The following SCCPDH variants were observed in gnomAD, a reference collection of about 807,000 sequenced individuals.
SCCPDH encodes saccharopine dehydrogenase (putative), also known as saccharopine dehydrogenase-like oxidoreductase.
A neutral mutation model predicts 51.5 loss-of-function variants in SCCPDH; 34 were observed. That is an observed-to-expected ratio of 0.66 (90% CI 0.50 to 0.88). The LOEUF (loss-of-function observed/expected upper bound fraction) is 0.88, where lower values mean the gene tolerates loss of function less well. Ranked by LOEUF, SCCPDH falls within the 40% of genes least tolerant of loss-of-function variation. The pLI is 0.00. For synonymous variants in SCCPDH, 187 were observed against 191.3 expected, an observed-to-expected ratio of 0.98 and a Z score of 0.19; for missense variants, 464 against 527.1, an observed-to-expected ratio of 0.88 and a Z score of 1.17.
intron 11 of SCCPDH, among the ~76,000 whole-genome samples, chr1:246,766,440 CT>C (rs1293790173): frequency 6.6e-6 from 1 of 152,114 alleles, no homozygotes; most frequent in Non-Finnish European, 1.5e-5. Context: ...AAAAAAGTCC[CT>C]GTTGTTAATA....
At chr1:246,726,826 A>G in intron 1 of SCCPDH, 66 bp from the exon 2 acceptor site, 3 of 1,133,098 alleles carry the variant, frequency 2.6e-6, no homozygotes, top group Admixed American at 3.6e-5. Context: ...ATTACTGTAA[A>G]AAGAAGATAA....
At chr1:246,747,522 G>A (rs538956012) in intron 5 of SCCPDH, among the ~76,000 whole-genome samples, 6 of 152,302 alleles carry the variant, frequency 3.9e-5, no homozygotes, top group Non-Finnish European at 5.9e-5. Flanking sequence ...TTTCAGTGCC[G>A]CAAAAGAAAT....
At chr1:246,764,399 T>C (rs755003958) in intron 10 of SCCPDH, 42 bp downstream of exon 10, 1 of 1,119,506 alleles carries the variant, frequency 8.9e-7, no homozygotes, top group Non-Finnish European at 1.4e-6. Flanking sequence ...AATTTTATAC[T>C]CTTAAGCTAT....
At chr1:246,742,338 TC>T (rs1668694271) in intron 4 of SCCPDH, among the ~76,000 whole-genome samples, 1 of 152,258 alleles carries the variant, frequency 6.6e-6, no homozygotes, top group Non-Finnish European at 1.5e-5. Context: ...AGCCTTTTTT[TC>T]CTTCATAAGG....
At chr1:246,732,655 T>C (rs1273070379) in intron 2 of SCCPDH, among the ~76,000 whole-genome samples, 1 of 152,206 alleles carries the variant, frequency 6.6e-6, no homozygotes, top group Non-Finnish European at 1.5e-5. Flanking sequence ...CCCAAAGTGC[T>C]GGGATTACAG....
chr1:246,756,289 G>T (rs1027296806), intron 5 of SCCPDH, among the ~76,000 whole-genome samples: 3 of 152,156 alleles, frequency 2.0e-5, no homozygotes, highest in African/African-American at 7.2e-5. Context: ...ACTGTTTAGG[G>T]ATGAATTCTT....
intron 5 of SCCPDH, among the ~76,000 whole-genome samples, chr1:246,747,829 G>T (rs1668784220): frequency 6.6e-6 from 1 of 152,196 alleles, no homozygotes; most frequent in African/African-American, 2.4e-5. Context: ...ACTAAGATCA[G>T]AGCAGGTGAT....
chr1:246,737,263 C>T (rs1353007252), intron 3 of SCCPDH, among the ~76,000 whole-genome samples: 3 of 147,240 alleles, frequency 2.0e-5, no homozygotes, highest in African/African-American at 7.4e-5. Context: ...GGCGAGGTGG[C>T]TCACGCCTGT....
chr1:246,740,259 C>G lies in SCCPDH; in HGVS notation c.472C>G (p.Pro158Ala). 1 of 1,609,594 alleles carries G rather than the reference C, an allele frequency of 6.2e-7. No individual in the cohort carries two copies. Among genetic ancestry groups the G allele is most frequent in the Admixed American group, 1.7e-5 (1 of 59,902 alleles). Residue 158 changes from proline (P) to alanine (A), a missense_variant, in exon 4 of 12, where the codon CCA (proline) becomes GCA (alanine). Pro to Ala is a conservative substitution (Grantham distance 27, BLOSUM62 -1). Transcript: ENST00000366510. The part of the protein sequence containing the change: ...IIGSSGFDSI[P>A]ADLGVIYTRN... Reference sequence around the variant, plus strand: ...TGGAAGCAGCGGCTTTGACTCCATTCCAGCAGATCTGGGAGTAATATATAC... The same window carrying G: ...TGGAAGCAGCGGCTTTGACTCCATTGCAGCAGATCTGGGAGTAATATATAC...
At chr1:246,742,411 C>T (rs548717375) in intron 4 of SCCPDH, among the ~76,000 whole-genome samples, 2 of 152,240 alleles carry the variant, frequency 1.3e-5, no homozygotes, top group South Asian at 4.1e-4. Flanking sequence ...TAGAAGTCAG[C>T]ATTTTAGCAA....
At chr1:246,759,644 G>A (rs1266889306) in intron 7 of SCCPDH, among the ~76,000 whole-genome samples, 1 of 152,180 alleles carries the variant, frequency 6.6e-6, no homozygotes, top group East Asian at 1.9e-4. Flanking sequence ...ATGTATGATT[G>A]CTAAGCTCAG....
chr1:246,757,273 GGCAGAGGTTGCAGTGAGCTGAGATC>G (rs987055508), intron 5 of SCCPDH, among the ~76,000 whole-genome samples: 1 of 149,572 alleles, frequency 6.7e-6, no homozygotes, highest in Non-Finnish European at 1.5e-5. Context: ...GAACCTAGGA[GGCAGAGGTTGCAGTGAGCTGAGATC>G]GTGCCATTGC....
chr1:246,757,070 G>A (rs569526373), intron 5 of SCCPDH, among the ~76,000 whole-genome samples: 2 of 152,194 alleles, frequency 1.3e-5, no homozygotes, highest in Admixed American at 6.5e-5. Context: ...TAGGCCGGGC[G>A]CGGTGGCTCA....
At chr1:246,733,166 T>C (rs1184066781) in intron 2 of SCCPDH, among the ~76,000 whole-genome samples, 1 of 152,142 alleles carries the variant, frequency 6.6e-6, no homozygotes, top group Non-Finnish European at 1.5e-5. Flanking sequence ...AGCTCACTGC[T>C]GCCTCAACCT....
At chr1:246,750,178 C>T (rs1467216710) in intron 5 of SCCPDH, among the ~76,000 whole-genome samples, 1 of 152,106 alleles carries the variant, frequency 6.6e-6, no homozygotes, top group African/African-American at 2.4e-5. Context: ...TCGAGTTTTC[C>T]TTCCCTTTAG....
intron 2 of SCCPDH, among the ~76,000 whole-genome samples, chr1:246,731,610 C>A (rs1425794813): frequency 1.3e-5 from 2 of 152,244 alleles, no homozygotes; most frequent in Non-Finnish European, 2.9e-5. Flanking sequence ...GAATTTAGAA[C>A]TGCTGGAACA....
chr1:246,765,968 AAG>A, intron 10 of SCCPDH, 88 bp from the exon 11 acceptor site: 2 of 834,008 alleles, frequency 2.4e-6, no homozygotes, highest in East Asian at 4.9e-5. Context: ...CACCTAGAGT[AAG>A]ATATAAAATC....
intron 3 of SCCPDH, among the ~76,000 whole-genome samples, chr1:246,737,164 T>C (rs1439103084): frequency 6.6e-6 from 1 of 151,784 alleles, no homozygotes; most frequent in Non-Finnish European, 1.5e-5. Context: ...GTTTATCAAT[T>C]GGTAAAATAC....
intron 5 of SCCPDH, among the ~76,000 whole-genome samples, chr1:246,753,393 C>T (rs933443500): frequency 1.3e-5 from 2 of 152,070 alleles, no homozygotes; most frequent in Non-Finnish European, 2.9e-5. Flanking sequence ...TGACAAAATG[C>T]AGTTTTAACA....
Sources: allele counts gnomAD v4.1 joint callset (sites outside exome capture counted in the v4.1 genomes callset), GRCh38; gene constraint gnomAD v4.1.1; transcripts MANE v1.5; gene names NCBI Gene and HGNC (gene_info 2026-07-23, HGNC 2026-07-21).